EPHA6: variants seen among roughly 807,000 people sequenced by gnomAD.
EPHA6 encodes EPH receptor A6, also known as ephrin type-A receptor 6.
A neutral mutation model predicts 112.0 loss-of-function variants in EPHA6; 50 were observed. That is an observed-to-expected ratio of 0.45 (90% CI 0.36 to 0.56). The LOEUF (loss-of-function observed/expected upper bound fraction) is 0.56, where lower values mean the gene tolerates loss of function less well. EPHA6 is among the 20% of genes least tolerant of loss of function. The probability of loss-of-function intolerance (pLI) is 0.00; values close to 1 mark genes in which losing one functional copy is unlikely to be tolerated. For synonymous variants in EPHA6, 529 were observed against 490.7 expected (o/e 1.08, Z -1.03); for missense variants, 1,280 against 1,417.4 (o/e 0.90, Z 1.56).
chr3:97,707,770 TC>T (rs1317665363), intron 14 of EPHA6, among the ~76,000 whole-genome samples: 1 of 152,152 alleles, frequency 6.6e-6, no homozygotes, highest in Non-Finnish European at 1.5e-5. Context: ...GGGACCAGTT[TC>T]CCCCATGTTG....
chr3:97,459,603 A>G (rs1299920950), intron 7 of EPHA6, among the ~76,000 whole-genome samples: 1 of 152,162 alleles, frequency 6.6e-6, no homozygotes, highest in African/African-American at 2.4e-5. Flanking sequence ...GAGACAGGCA[A>G]TCCAGTCACA....
At chr3:96,962,074 C>A (rs1258717905) in intron 2 of EPHA6, among the ~76,000 whole-genome samples, 1 of 152,068 alleles carries the variant, frequency 6.6e-6, no homozygotes, top group Non-Finnish European at 1.5e-5. Context: ...AGGGCTTTTC[C>A]TCTAGGGATG....
At chr3:96,848,194 A>G (rs1393900695) in intron 1 of EPHA6, among the ~76,000 whole-genome samples, 5 of 152,090 alleles carry the variant, frequency 3.3e-5, no homozygotes, top group Admixed American at 1.3e-4. Flanking sequence ...ACCAATGTAT[A>G]TTAAAGTTCT....
At chr3:97,471,400 A>G (rs966119537) in intron 7 of EPHA6, among the ~76,000 whole-genome samples, 13 of 151,732 alleles carry the variant, frequency 8.6e-5, no homozygotes, top group Non-Finnish European at 1.3e-4. Flanking sequence ...TGAGCACAGT[A>G]ACTGTGTTTT....
rs772502105 is a variant in EPHA6, at chr3:97,735,975, T to C, written c.2985T>C (p.Cys995=). 9.3e-6 allele frequency: 15 copies of C among 1,612,428 alleles called. No homozygotes were observed. Among genetic ancestry groups the C allele is most frequent in the Non-Finnish European group, 1.2e-5 (14 of 1,179,096 alleles). The change falls in exon 16 of 18, where the codon TGT becomes TGC. Residue 995 remains cysteine, a synonymous_variant. Coordinates refer to ENST00000389672, the MANE Select transcript of EPHA6 (RefSeq NM_001080448.3). The stretch of plus-strand genomic sequence containing the variant: ...ACAGACTTCCAGCTCCCATGGGCTG[T>C]CCAGCATCTCTACACCAGCTGATGC... ...EGYRLPAPMG[C]PASLHQLMLH...
At chr3:96,854,362 T>A (rs2035571953) in intron 1 of EPHA6, among the ~76,000 whole-genome samples, 2 of 152,018 alleles carry the variant, frequency 1.3e-5, no homozygotes, top group South Asian at 4.2e-4. Flanking sequence ...GTATTTTTAG[T>A]AAAGTCGAGA....
intron 3 of EPHA6, among the ~76,000 whole-genome samples, chr3:97,171,644 C>G (rs768039751): frequency 1.3e-4 from 20 of 151,860 alleles, no homozygotes; most frequent in Admixed American, 2.6e-4. Flanking sequence ...GTACAATTAC[C>G]AGAATTATAG....
rs983106788 is a variant in EPHA6 at position 96,818,451 on chromosome 3, T to C, written c.385+3443T>C. On this transcript the variant is annotated intron_variant, in intron 1 of 17. Transcript: ENST00000389672. ...TTAGCAATACTTTGTGAATCGATTT[T>C]CCCCCCAGGCAATTCAGTGACAAAC... 7.9e-5 allele frequency among the ~76,000 whole-genome samples: 12 copies of C among 152,004 alleles called. No homozygotes were observed. The East Asian group carries it at 1.7e-3, about 22-fold the overall frequency.
intron 4 of EPHA6, among the ~76,000 whole-genome samples, chr3:97,235,231 A>G (rs1270661215): frequency 6.6e-6 from 1 of 152,104 alleles, no homozygotes; most frequent in Non-Finnish European, 1.5e-5. Context: ...CATTCTGTCC[A>G]CAAGAGACTA....
intron 3 of EPHA6, among the ~76,000 whole-genome samples, chr3:97,095,235 G>A (rs1336537428): frequency 2.0e-5 from 3 of 151,886 alleles, no homozygotes; most frequent in Non-Finnish European, 4.4e-5. Flanking sequence ...TCTCATTGTG[G>A]TTTTGGAACT....
At chr3:97,306,651 C>A (rs753832271) in intron 5 of EPHA6, among the ~76,000 whole-genome samples, 1 of 151,826 alleles carries the variant, frequency 6.6e-6, no homozygotes, top group Non-Finnish European at 1.5e-5. Context: ...AGGAAACAAG[C>A]AAGAGAGAAG....
chr3:97,634,195 T>C (rs1195375338), intron 13 of EPHA6, among the ~76,000 whole-genome samples: 1 of 152,110 alleles, frequency 6.6e-6, no homozygotes, highest in African/African-American at 2.4e-5. Context: ...AAGATGAAGA[T>C]AATCACTACG....
At chr3:97,150,885 A>C (rs1265665782) in intron 3 of EPHA6, among the ~76,000 whole-genome samples, 4 of 152,130 alleles carry the variant, frequency 2.6e-5, no homozygotes, top group Non-Finnish European at 5.9e-5. Flanking sequence ...GCCAAATCTC[A>C]TGACTACCAA....
At chr3:97,047,446 G>T (rs1042630590) in intron 3 of EPHA6, among the ~76,000 whole-genome samples, 1 of 143,524 alleles carries the variant, frequency 7.0e-6, no homozygotes, top group African/African-American at 2.7e-5. Flanking sequence ...CTTGCAGTGA[G>T]CAGAGATCGC....
rs564141629 is a variant in EPHA6, at chr3:96,823,147, A to C, written c.385+8139A>C. On this transcript the variant is annotated intron_variant, in intron 1 of 17. Coordinates refer to ENST00000389672, the MANE Select transcript of EPHA6 (RefSeq NM_001080448.3). ...GGCATAGTGTTCCATATGTTGATAT[A>C]AAATGACACTAATATTGCAAAACAT... Among the ~76,000 whole-genome samples, 217 of 151,908 alleles carry C rather than the reference A, an allele frequency of 1.4e-3. 2 individuals carry two copies. Among genetic ancestry groups the C allele is most frequent in the African/African-American group, 4.9e-3 (203 of 41,542 alleles).
intron 5 of EPHA6, among the ~76,000 whole-genome samples, chr3:97,307,213 C>G (rs111815929): frequency 1.7e-4 from 26 of 151,690 alleles, no homozygotes; most frequent in Admixed American, 2.0e-4. Flanking sequence ...TTTTCCTCAT[C>G]CCCGCCCACT....
chr3:97,423,134 C>T lies in EPHA6; in HGVS notation c.1731+17860C>T, dbSNP rs111351950. Among the ~76,000 whole-genome samples, 573 of 152,226 alleles carry T rather than the reference C, an allele frequency of 3.8e-3. 7 individuals carry two copies. The highest frequency in any genetic ancestry group is 5.5e-3 in the Non-Finnish European group (377 of 68,012). ...ACTCTAACCATGCCTATCCAAAATA[C>T]TACTGGAAGTAGCAGCTAGAGTAAT... On this transcript the variant is annotated intron_variant, in intron 6 of 17. Transcript: ENST00000389672.
chr3:97,332,423 G>A (rs1276435189), intron 5 of EPHA6, among the ~76,000 whole-genome samples: 2 of 152,020 alleles, frequency 1.3e-5, no homozygotes, highest in East Asian at 1.9e-4. Context: ...TCAGGCAGGA[G>A]AAGGAAATAA....
intron 2 of EPHA6, among the ~76,000 whole-genome samples, chr3:96,882,768 G>GTGTGTGTGTGTGTATA (rs774521290): frequency 4.0e-5 from 6 of 148,900 alleles, no homozygotes; most frequent in South Asian, 2.1e-4. Flanking sequence ...GTGTGTGTGT[G>GTGTGTGTGTGTGTATA]TATAGTCAAT....
Sources: gnomAD v4.1 joint callset for allele counts (sites outside exome capture counted in the v4.1 genomes callset) on GRCh38, gnomAD v4.1.1 for gene constraint, MANE v1.5 for transcripts, NCBI Gene and HGNC (gene_info 2026-07-23, HGNC 2026-07-21) for gene names.